Variants in ASAP1 observed in about 807,000 individuals in gnomAD.
ASAP1 encodes ArfGAP with SH3 domain, ankyrin repeat and PH domain 1.
A neutral mutation model predicts 145.2 loss-of-function variants in ASAP1; 43 were observed. The ratio of observed to expected loss-of-function variants is 0.30; its 90% CI spans 0.23 to 0.38. ASAP1 has a LOEUF of 0.38. Ranked by LOEUF, ASAP1 falls within the 10% of genes least tolerant of loss-of-function variation. The probability of loss-of-function intolerance (pLI) is 1.00; values close to 1 mark genes in which losing one functional copy is unlikely to be tolerated. For missense variants in ASAP1, 1,018 were observed against 1,355.3 expected, an observed-to-expected ratio of 0.75 and a Z score of 3.91; for synonymous variants, 546 against 515.5, an observed-to-expected ratio of 1.06 and a Z score of -0.80.
intron 25 of ASAP1, among the ~76,000 whole-genome samples, chr8:130,086,533 G>GTGGC (rs1420033694): frequency 6.6e-6 from 1 of 152,200 alleles, no homozygotes; most frequent in Non-Finnish European, 1.5e-5. Flanking sequence ...GCTGGGTGTG[G>GTGGC]TGGCTCATGC....
At chr8:130,100,335 TTTC>T (rs1362982233) in intron 24 of ASAP1, among the ~76,000 whole-genome samples, 1 of 152,254 alleles carries the variant, frequency 6.6e-6, no homozygotes, top group South Asian at 2.1e-4. Context: ...TCTTTCTTTC[TTTC>T]TTTTTTTTGA....
intron 1 of ASAP1, among the ~76,000 whole-genome samples, chr8:130,443,003 C>T (rs1457212461): frequency 6.6e-6 from 1 of 152,170 alleles, no homozygotes; most frequent in South Asian, 2.1e-4. Flanking sequence ...TGCCAAGCAG[C>T]GCCGGGTCCG....
At chr8:130,239,930 C>T (rs78240509) in intron 3 of ASAP1, among the ~76,000 whole-genome samples, 3,994 of 152,176 alleles carry the variant, frequency 0.026, 63 homozygotes, top group Middle Eastern at 0.044. Context: ...CAAGTTTCCC[C>T]TGAATCAACA....
At chr8:130,188,826 G>A (rs1814938540) in intron 5 of ASAP1, among the ~76,000 whole-genome samples, 1 of 151,488 alleles carries the variant, frequency 6.6e-6, no homozygotes, top group Non-Finnish European at 1.5e-5. Flanking sequence ...ACACGTATAT[G>A]TGTACAAATA....
intron 4 of ASAP1, among the ~76,000 whole-genome samples, chr8:130,224,444 T>C (rs1817474938): frequency 6.6e-6 from 1 of 152,114 alleles, no homozygotes; most frequent in Non-Finnish European, 1.5e-5. Context: ...AAAGATAAAA[T>C]TATAATTTCC....
chr8:130,154,750 A>G (rs1411966899), intron 12 of ASAP1, among the ~76,000 whole-genome samples: 1 of 152,256 alleles, frequency 6.6e-6, no homozygotes, highest in Non-Finnish European at 1.5e-5. Context: ...CACAGAAGGA[A>G]GTAAGAATCT....
intron 3 of ASAP1, among the ~76,000 whole-genome samples, chr8:130,246,327 A>G (rs1818852988): frequency 6.6e-6 from 1 of 152,154 alleles, no homozygotes; most frequent in Admixed American, 6.6e-5. Context: ...ATGTGTACAG[A>G]GAAAGGAAAA....
chr8:130,108,496 A>G (rs1438329512), intron 24 of ASAP1, among the ~76,000 whole-genome samples: 1 of 152,140 alleles, frequency 6.6e-6, no homozygotes, highest in African/African-American at 2.4e-5. Flanking sequence ...TATCCAGAGC[A>G]TTTGTTAATT....
intron 3 of ASAP1, among the ~76,000 whole-genome samples, chr8:130,334,572 T>A (rs1014894670): frequency 6.6e-6 from 1 of 152,268 alleles, no homozygotes; most frequent in African/African-American, 2.4e-5. Context: ...ACCATTCTGA[T>A]AGCTTAAAGC....
intron 13 of ASAP1, among the ~76,000 whole-genome samples, chr8:130,147,340 AT>A (rs1234672254): frequency 2.0e-5 from 3 of 151,724 alleles, no homozygotes; most frequent in African/African-American, 7.3e-5. Context: ...TGTTCTAATT[AT>A]TTATAATCAA....
At chr8:130,137,790 G>A (rs1029687575) in intron 13 of ASAP1, among the ~76,000 whole-genome samples, 5 of 152,040 alleles carry the variant, frequency 3.3e-5, no homozygotes, top group African/African-American at 9.7e-5. Context: ...AGATAGTCAC[G>A]CTAACTTAGG....
chr8:130,376,903 CAAAAAAAAA>C (rs34006260), intron 2 of ASAP1, among the ~76,000 whole-genome samples: 1,508 of 26,002 alleles, frequency 0.058, 46 homozygotes, highest in African/African-American at 0.16. Context: ...AACTCCATCT[CAAAAAAAAA>C]AAAAAAAAAA....
chr8:130,118,431 AC>A, intron 19 of ASAP1, 57 bp downstream of exon 19: 1 of 1,520,174 alleles, frequency 6.6e-7, no homozygotes, highest in Non-Finnish European at 8.9e-7. Context: ...AAAATAAGTC[AC>A]CTTTTAAACT....
chr8:130,413,930 C>G (rs957007540), intron 1 of ASAP1, among the ~76,000 whole-genome samples: 1 of 151,908 alleles, frequency 6.6e-6, no homozygotes, highest in African/African-American at 2.4e-5. Context: ...TTATGTAACA[C>G]TCCAACAGTT....
intron 3 of ASAP1, among the ~76,000 whole-genome samples, chr8:130,269,733 T>C (rs945460753): frequency 6.6e-6 from 1 of 152,254 alleles, no homozygotes; most frequent in African/African-American, 2.4e-5. Context: ...TCTCTGGTTA[T>C]ATGAACAGGC....
Position 130,127,962 on chromosome 8 carries a change from G to C in ASAP1, c.1346C>G (p.Pro449Arg). Residue 449 changes from proline (P) to arginine (R), a missense_variant, in exon 16 of 30, where the codon CCA (proline) becomes CGA (arginine). By Grantham distance (103) the Pro-to-Arg change is moderately radical. This residue lies in a region of ASAP1 where 153 missense variants were observed against 221.6 expected (regional missense o/e 0.69). Transcript: ENST00000518721. ...KAIIEDVQRL[P>R]GNDICCDCGS... ...ACAATCGCAGCAAATGTCATTCCCT[G>C]GGAGCCGCTGGACATCCTCAATAAT... is the stretch of plus-strand genomic sequence containing the variant. 6.2e-7 allele frequency: 1 copy of C among 1,613,958 alleles called. No homozygotes were observed. The highest frequency in any genetic ancestry group is 8.5e-7 in the Non-Finnish European group (1 of 1,179,978).
At chr8:130,355,697 T>C (rs1054591039) in intron 3 of ASAP1, among the ~76,000 whole-genome samples, 2 of 152,216 alleles carry the variant, frequency 1.3e-5, no homozygotes, top group Non-Finnish European at 2.9e-5. Context: ...AAGATATTTA[T>C]AATAATGCAC....
chr8:130,227,125 T>C (rs1298458840), intron 4 of ASAP1, among the ~76,000 whole-genome samples: 4 of 152,252 alleles, frequency 2.6e-5, no homozygotes, highest in South Asian at 4.1e-4. Flanking sequence ...CCTTCTGAGC[T>C]TTAGCTTCTT....
intron 3 of ASAP1, among the ~76,000 whole-genome samples, chr8:130,276,224 A>G (rs951269914): frequency 1.1e-4 from 17 of 152,358 alleles, no homozygotes; most frequent in African/African-American, 4.1e-4. Context: ...TGTTTAAAAA[A>G]GAAGGCTGGG....
Sources: gnomAD v4.1 joint callset for allele counts (sites outside exome capture counted in the v4.1 genomes callset) on GRCh38, gnomAD v4.1.1 for gene constraint, gnomAD v4.1.1 regional missense constraint, MANE v1.5 for transcripts, NCBI Gene and HGNC (gene_info 2026-07-23, HGNC 2026-07-21) for gene names.